The following SLC5A12 variants were observed in gnomAD, a reference collection of about 807,000 sequenced individuals.
SLC5A12 encodes the protein sodium-coupled monocarboxylate transporter 2.
A neutral mutation model predicts 72.7 loss-of-function variants in SLC5A12; 46 were observed. That is an observed-to-expected ratio of 0.63 (90% CI 0.50 to 0.81). SLC5A12 has a LOEUF of 0.81. Ranked by LOEUF, SLC5A12 falls within the 30% of genes least tolerant of loss-of-function variation. The pLI is 0.00. For missense variants in SLC5A12, 683 were observed against 740.7 expected, an observed-to-expected ratio of 0.92 and a Z score of 0.90; for synonymous variants, 275 against 264.4, an observed-to-expected ratio of 1.04 and a Z score of -0.39.
intron 10 of SLC5A12, among the ~76,000 whole-genome samples, chr11:26,684,886 T>C (rs368286408): frequency 3.3e-5 from 5 of 152,298 alleles, no homozygotes; most frequent in South Asian, 2.1e-4. Context: ...CTTGGAAATA[T>C]AGGTTCCATG....
chr11:26,683,167 TA>T (rs1410520767), intron 11 of SLC5A12, among the ~76,000 whole-genome samples: 1 of 152,170 alleles, frequency 6.6e-6, no homozygotes, highest in Non-Finnish European at 1.5e-5. Context: ...GTTTTAAAAA[TA>T]TTGTTATGTT....
intron 4 of SLC5A12, among the ~76,000 whole-genome samples, chr11:26,706,571 G>C (rs1303263249): frequency 2.0e-5 from 3 of 151,666 alleles, no homozygotes; most frequent in Non-Finnish European, 4.4e-5. Context: ...GATGAATTGA[G>C]GGTTGCTTTT....
At chr11:26,699,079 C>T (rs1342279385) in intron 6 of SLC5A12, among the ~76,000 whole-genome samples, 1 of 152,194 alleles carries the variant, frequency 6.6e-6, no homozygotes, top group African/African-American at 2.4e-5. Context: ...CTTACCCATA[C>T]TATGTGGTGC....
chr11:26,690,169 G>A (rs923476873), intron 9 of SLC5A12, among the ~76,000 whole-genome samples: 1 of 152,146 alleles, frequency 6.6e-6, no homozygotes, highest in Non-Finnish European at 1.5e-5. Flanking sequence ...ATGGGGAGTG[G>A]TGGTGGTGGG....
chr11:26,697,206 A>C lies in SLC5A12; in HGVS notation c.998T>G (p.Leu333Arg), dbSNP rs1280058736. Residue 333 changes from leucine to arginine, a missense_variant, in exon 8 of 15, where the codon CTG (leucine) becomes CGG (arginine). Transcript: ENST00000396005. The part of the protein sequence containing the change: ...VMEIFATMPG[L>R]PGLFVACAFS... Reference sequence around the variant, plus strand: ...GGCACAAGCCACAAAAAGTCCTGGCAGTCCTGGCATTGTGGCAAATATCTC... The same window carrying C: ...GGCACAAGCCACAAAAAGTCCTGGCCGTCCTGGCATTGTGGCAAATATCTC... 2 of 1,614,034 alleles carry C rather than the reference A, an allele frequency of 1.2e-6. No individual in the cohort carries two copies. The highest frequency in any genetic ancestry group is 4.5e-5 in the East Asian group (2 of 44,862).
chr11:26,686,904 C>G (rs1854549270), intron 9 of SLC5A12, among the ~76,000 whole-genome samples: 2 of 152,134 alleles, frequency 1.3e-5, no homozygotes, highest in Admixed American at 1.3e-4. Flanking sequence ...GGGCAACCAC[C>G]CTCCAGCAAG....
intron 11 of SLC5A12, among the ~76,000 whole-genome samples, chr11:26,682,063 T>C (rs993430438): frequency 3.6e-4 from 55 of 151,978 alleles, no homozygotes; most frequent in African/African-American, 1.3e-3. Flanking sequence ...AGACAATAAA[T>C]ATTTTAGGCT....
At chr11:26,696,796 C>G (rs1854827158) in intron 8 of SLC5A12, among the ~76,000 whole-genome samples, 1 of 152,138 alleles carries the variant, frequency 6.6e-6, no homozygotes, top group Admixed American at 6.5e-5. Context: ...GAAGAGCCAG[C>G]AGAGTGAGCT....
chr11:26,677,052 A>T (rs556518199), intron 13 of SLC5A12, among the ~76,000 whole-genome samples: 12 of 152,180 alleles, frequency 7.9e-5, no homozygotes, highest in Non-Finnish European at 1.8e-4. Flanking sequence ...ATTACAGAAG[A>T]TTTGTTAAAG....
intron 8 of SLC5A12, among the ~76,000 whole-genome samples, chr11:26,694,815 A>G (rs1854770796): frequency 6.6e-6 from 1 of 152,182 alleles, no homozygotes; most frequent in African/African-American, 2.4e-5. Context: ...AAATACATGC[A>G]TTTTATTCTT....
intron 1 of SLC5A12, among the ~76,000 whole-genome samples, chr11:26,713,145 C>A (rs1428288002): frequency 6.6e-6 from 1 of 152,102 alleles, no homozygotes; most frequent in Admixed American, 6.6e-5. Flanking sequence ...CACATATCTC[C>A]CATATCAATT....
rs961127413 is a variant in SLC5A12, at chr11:26,669,924, T to A, written c.*1178A>T. ...ACTTTGTTTCTTATTATCTGTCCTC[T>A]GACTTGGCCCCTGTGACATACTGGT... On this transcript the variant is annotated 3_prime_UTR_variant, in exon 15 of 15. Transcript: ENST00000396005. 3.3e-5 allele frequency: 5 copies of A among 152,116 alleles called. No individual in the cohort carries two copies. The highest frequency in any genetic ancestry group is 1.2e-4 in the African/African-American group (5 of 41,434). The allele number at this position is 152,116 out of a possible 1,614,324, so 9.4% of individuals were successfully genotyped here.
chr11:26,674,917 T>C (rs1203518347), intron 13 of SLC5A12, among the ~76,000 whole-genome samples: 2 of 152,216 alleles, frequency 1.3e-5, no homozygotes, highest in East Asian at 3.8e-4. Flanking sequence ...TCTCATTTCA[T>C]GGATGAGGAA....
In SLC5A12 at chr11:26,683,681, C is replaced by T. The variant is rs530361038; in HGVS notation, c.1308+76G>A. The T allele has an allele frequency of 1.4e-4, 167 of 1,201,814 alleles. 1 individual carries two copies. In the South Asian group the frequency reaches 2.2e-3, roughly 16 times the overall value. 74.4% of individuals were successfully genotyped at this position (1,201,814 alleles called of 1,614,324 possible). A position where few individuals can be genotyped will look rare whatever the true frequency, so the allele number is the denominator to read the frequency against. On this transcript the variant is annotated intron_variant, in intron 11 of 14. Transcript: ENST00000396005. ...GGCTAAGACAGATAGCTTTTCTAAA[C>T]AGGGCTGAGAGGAGAGAGAAAACGG...
rs577725791 is a variant in SLC5A12, at chr11:26,692,714, A to C, written c.1041-113T>G. On this transcript the variant is annotated intron_variant, in intron 8 of 14. Transcript: ENST00000396005. ...GCAGGCCTCTAGAAAAAACAGATGCAGATATATCTCTATCTTCTGAGACTC... is the reference window on the plus strand; with the variant it reads ...GCAGGCCTCTAGAAAAAACAGATGCCGATATATCTCTATCTTCTGAGACTC... 124 of 645,320 alleles carry C rather than the reference A, an allele frequency of 1.9e-4. No individual in the cohort carries two copies. The East Asian group carries it at 3.3e-3, about 17-fold the overall frequency. The allele number at this position is 645,320 out of a possible 1,614,324, so 40.0% of individuals were successfully genotyped here.
chr11:26,717,036 T>C (rs1855366533), intron 1 of SLC5A12, among the ~76,000 whole-genome samples: 1 of 152,170 alleles, frequency 6.6e-6, no homozygotes, highest in African/African-American at 2.4e-5. Context: ...TTACAACAAA[T>C]ATTATATAGC....
Position 26,715,613 on chromosome 11 carries a change from C to T in SLC5A12, c.340-2907G>A, listed in dbSNP as rs112225156. Reference sequence around the variant, plus strand: ...CCCCCAAATCAACTTGCATTCAAATCCTTGTTTCAGGATCTGCTTCTAGTA... The same window carrying T: ...CCCCCAAATCAACTTGCATTCAAATTCTTGTTTCAGGATCTGCTTCTAGTA... On this transcript the variant is annotated intron_variant, in intron 1 of 14. Transcript: ENST00000396005. Among the ~76,000 whole-genome samples, 218 of 152,294 alleles carry T rather than the reference C, an allele frequency of 1.4e-3. 2 individuals are homozygous for T. The highest frequency in any genetic ancestry group is 4.9e-3 in the African/African-American group (205 of 41,556).
chr11:26,682,514 G>A (rs975843614), intron 11 of SLC5A12, among the ~76,000 whole-genome samples: 1 of 152,208 alleles, frequency 6.6e-6, no homozygotes, highest in South Asian at 2.1e-4. Context: ...ATCAGCTATG[G>A]CCATTGATGA....
chr11:26,720,011 A>G (rs142323788), intron 1 of SLC5A12, among the ~76,000 whole-genome samples: 1 of 152,322 alleles, frequency 6.6e-6, no homozygotes, highest in Non-Finnish European at 1.5e-5. Context: ...AGATTGTTTT[A>G]AGGCCAAAAG....
Sources: allele counts gnomAD v4.1 joint callset (sites outside exome capture counted in the v4.1 genomes callset), GRCh38; gene constraint gnomAD v4.1.1; transcripts MANE v1.5; gene names NCBI Gene and HGNC (gene_info 2026-07-23, HGNC 2026-07-21).